AZIN1: variants seen among roughly 807,000 people sequenced by gnomAD.
The protein encoded by AZIN1 is ornithine decarboxylase antizyme inhibitor.
AZIN1 carries 12 observed loss-of-function variants against 47.4 expected under a neutral mutation model. The observed-to-expected ratio is 0.25, with a 90% CI of 0.16 to 0.41. The LOEUF (loss-of-function observed/expected upper bound fraction) is 0.41, where lower values mean the gene tolerates loss of function less well. Among genes scored for constraint, AZIN1 ranks in the 10% least tolerant of loss-of-function variants. The probability of loss-of-function intolerance (pLI) is 1.00; values close to 1 mark genes in which losing one functional copy is unlikely to be tolerated. For missense variants in AZIN1, 410 were observed against 532.4 expected, an observed-to-expected ratio of 0.77 and a Z score of 2.26; for synonymous variants, 155 against 176.3, an observed-to-expected ratio of 0.88 and a Z score of 0.96.
At chr8:102,861,235 A>G (rs990612903) in intron 1 of AZIN1, among the ~76,000 whole-genome samples, 8 of 151,962 alleles carry the variant, frequency 5.3e-5, no homozygotes, top group African/African-American at 1.9e-4. Flanking sequence ...TATTATTATT[A>G]TTTTTTGAGA....
chr8:102,828,687 A>G lies in AZIN1; in HGVS notation c.1236-9T>C. 1 of 1,566,568 alleles carries G rather than the reference A, an allele frequency of 6.4e-7. No homozygotes were observed. The highest frequency in any genetic ancestry group is 8.7e-7 in the Non-Finnish European group (1 of 1,143,510). ...CATCTTGCATCTCATACCTACGTAG[A>G]AAAAAAATCAGCTAAATTCTCAGTT... On this transcript the variant is annotated splice_polypyrimidine_tract_variant and intron_variant, in intron 11 of 11. Coordinates refer to ENST00000337198, the MANE Select transcript of AZIN1 (RefSeq NM_148174.4).
At chr8:102,831,475 TAAA>T (rs60399766) in intron 9 of AZIN1, among the ~76,000 whole-genome samples, 2 of 134,828 alleles carry the variant, frequency 1.5e-5, no homozygotes, top group Non-Finnish European at 3.2e-5. Flanking sequence ...GCATTTAAAT[TAAA>T]AAAAAAAAAA....
chr8:102,838,354 G>A (rs968185918), intron 5 of AZIN1, among the ~76,000 whole-genome samples: 1 of 152,152 alleles, frequency 6.6e-6, no homozygotes, highest in Non-Finnish European at 1.5e-5. Context: ...GCCTAGGGTA[G>A]ATTAAATCCT....
intron 2 of AZIN1, among the ~76,000 whole-genome samples, chr8:102,846,448 G>C (rs1812573903): frequency 6.6e-6 from 1 of 152,164 alleles, no homozygotes; most frequent in African/African-American, 2.4e-5. Context: ...CAGTCTCCCA[G>C]CCTAAGTGTT....
rs1811996807 is a variant in AZIN1, at chr8:102,838,908, C to A, written c.285G>T (p.Met95Ile). The change falls in exon 5 of 12, where the codon ATG becomes ATT. Residue 95 changes from methionine to isoleucine, a missense_variant. Met to Ile is a conservative substitution (Grantham distance 10). Transcript: ENST00000337198. ...TGFACSSKNE[M>I]ALVQELGVPP... Reference sequence around the variant, plus strand: ...GTACACCCAACTCTTGCACTAAAGCCATTTCATTCTGTGAAAATGAGGTTA... The same window carrying A: ...GTACACCCAACTCTTGCACTAAAGCAATTTCATTCTGTGAAAATGAGGTTA... 1 of 1,608,006 alleles carries A rather than the reference C, an allele frequency of 6.2e-7. No homozygotes were observed. Among genetic ancestry groups the A allele is most frequent in the African/African-American group, 1.3e-5 (1 of 74,678 alleles).
At chr8:102,863,404 C>T (rs891671639) in intron 1 of AZIN1, among the ~76,000 whole-genome samples, 24 of 151,744 alleles carry the variant, frequency 1.6e-4, no homozygotes, top group Non-Finnish European at 2.7e-4. Context: ...GGGACCCCGG[C>T]CCCTCAGGGC....
intron 8 of AZIN1, 45 bp from the exon 9 acceptor site, chr8:102,833,263 A>G: frequency 6.5e-7 from 1 of 1,543,254 alleles, no homozygotes; most frequent in South Asian, 1.2e-5. Context: ...ATTGGATTAG[A>G]TAATTCGCAA....
chr8:102,851,578 C>T (rs554635757), intron 2 of AZIN1, among the ~76,000 whole-genome samples: 3 of 152,188 alleles, frequency 2.0e-5, no homozygotes, highest in African/African-American at 7.2e-5. Flanking sequence ...TGGTGGTGGG[C>T]ACCTGTAATC....
At chr8:102,855,512 T>C (rs1234740828) in intron 2 of AZIN1, 1 of 152,220 alleles carries the variant, frequency 6.6e-6, no homozygotes, top group Non-Finnish European at 1.5e-5. Flanking sequence ...AAAAGGATTA[T>C]GTAAGCAACT....
intron 7 of AZIN1, 79 bp downstream of exon 7, chr8:102,834,587 C>G (rs930108208): frequency 9.2e-7 from 1 of 1,085,596 alleles, no homozygotes; most frequent in African/African-American, 1.6e-5. Flanking sequence ...GTAATTCACA[C>G]AGGCAGAAAA....
At chr8:102,857,543 T>C (rs935467016) in intron 2 of AZIN1, among the ~76,000 whole-genome samples, 2 of 152,112 alleles carry the variant, frequency 1.3e-5, no homozygotes, top group African/African-American at 2.4e-5. Flanking sequence ...TAAATATCTA[T>C]ATTTTAATAC....
At position 102,843,542 on chromosome 8, in the gene AZIN1, G is replaced by A; in HGVS notation, c.102+9C>T. On this transcript the variant is annotated intron_variant, in intron 3 of 11. Coordinates refer to ENST00000337198, the MANE Select transcript of AZIN1 (RefSeq NM_148174.4). ...ATGACAAACACTGTATTTGAGAAATGGCACTTACCAGGGTATGTTCATAAA... is the reference window on the plus strand; with the variant it reads ...ATGACAAACACTGTATTTGAGAAATAGCACTTACCAGGGTATGTTCATAAA... 1 of 1,606,258 alleles carries A rather than the reference G, an allele frequency of 6.2e-7. No individual in the cohort carries two copies. Among genetic ancestry groups the A allele is most frequent in the Non-Finnish European group, 8.5e-7 (1 of 1,173,476 alleles).
At chr8:102,841,188 CAT>C (rs1411412282) in intron 3 of AZIN1, among the ~76,000 whole-genome samples, 6 of 152,122 alleles carry the variant, frequency 3.9e-5, no homozygotes, top group Non-Finnish European at 8.8e-5. Context: ...ACTATAATGA[CAT>C]GTGCAAAGAC....
intron 3 of AZIN1, 123 bp from the exon 4 acceptor site, chr8:102,839,946 C>G (rs1812073015): frequency 5.3e-6 from 3 of 561,196 alleles, no homozygotes; most frequent in Non-Finnish European, 6.0e-6. Flanking sequence ...TATTTACATA[C>G]AGTAATACAT....
intron 7 of AZIN1, 125 bp downstream of exon 7, chr8:102,834,541 A>T: frequency 1.4e-6 from 1 of 727,658 alleles, no homozygotes; most frequent in Non-Finnish European, 2.3e-6. Context: ...CTTATATAAT[A>T]AAAATGAGGT....
chr8:102,838,493 G>T (rs1811966249), intron 5 of AZIN1, among the ~76,000 whole-genome samples: 1 of 152,116 alleles, frequency 6.6e-6, no homozygotes, highest in Admixed American at 6.5e-5. Flanking sequence ...AACTATCAAG[G>T]ATTCCTTGAA....
intron 2 of AZIN1, among the ~76,000 whole-genome samples, chr8:102,852,560 A>G (rs538968791): frequency 7.0e-4 from 106 of 152,264 alleles, no homozygotes; most frequent in African/African-American, 2.4e-3. Context: ...ACAAAGGTGA[A>G]ACTCCATCTC....
chr8:102,845,114 G>A (rs749127580), intron 2 of AZIN1, among the ~76,000 whole-genome samples: 3 of 152,062 alleles, frequency 2.0e-5, no homozygotes, highest in African/African-American at 7.2e-5. Context: ...ATCCTTTCCT[G>A]TGTCCTTGAT....
chr8:102,841,750 G>T (rs1812193871), intron 3 of AZIN1, among the ~76,000 whole-genome samples: 1 of 139,068 alleles, frequency 7.2e-6, no homozygotes, highest in South Asian at 2.4e-4. Context: ...TTGAATACAG[G>T]AAATTTCCTC....
Sources: gnomAD v4.1 joint callset for allele counts (sites outside exome capture counted in the v4.1 genomes callset) on GRCh38, gnomAD v4.1.1 for gene constraint, MANE v1.5 for transcripts, NCBI Gene and HGNC (gene_info 2026-07-23, HGNC 2026-07-21) for gene names.